GPATCH2: variants seen among roughly 807,000 people sequenced by gnomAD.
GPATCH2 encodes the protein G patch domain-containing protein 2.
GPATCH2 carries 51 observed loss-of-function variants against 58.0 expected under a neutral mutation model. The observed-to-expected ratio is 0.88, with a 90% CI of 0.70 to 1.11. The LOEUF (loss-of-function observed/expected upper bound fraction) is 1.11. Among genes scored for constraint, GPATCH2 ranks in the 50% most tolerant of loss-of-function variants. The pLI is 0.00. For missense variants in GPATCH2, 625 were observed against 652.2 expected, an observed-to-expected ratio of 0.96 and a Z score of 0.45; for synonymous variants, 222 against 218.5, an observed-to-expected ratio of 1.02 and a Z score of -0.14.
Position 217,432,013 on chromosome 1 carries a change from T to C in GPATCH2, c.1367-648A>G, listed in dbSNP as rs558025814. ...ATGTTTAAATGATTATATAAGTTAG[T>C]AGAAAGAAAATAGAGGAAAATAATA... On this transcript the variant is annotated intron_variant, in intron 9 of 9. Transcript: ENST00000366935. Among the ~76,000 whole-genome samples the C allele has an allele frequency of 1.1e-4, 17 of 152,108 alleles. No individual in the cohort carries two copies. In the South Asian group the frequency reaches 3.3e-3, roughly 30 times the overall value.
At chr1:217,583,399 G>C (rs1249361827) in intron 5 of GPATCH2, among the ~76,000 whole-genome samples, 1 of 151,512 alleles carries the variant, frequency 6.6e-6, no homozygotes, top group Admixed American at 6.6e-5. Context: ...GTGAAACCCC[G>C]TCTCTACTAA....
At chr1:217,487,422 CTT>C (rs1357554488) in intron 8 of GPATCH2, among the ~76,000 whole-genome samples, 1 of 144,934 alleles carries the variant, frequency 6.9e-6, no homozygotes, top group Admixed American at 6.8e-5. Context: ...TGGAAGAGTA[CTT>C]CTTTTTTTTT....
chr1:217,495,358 C>T (rs1661956976), intron 7 of GPATCH2, among the ~76,000 whole-genome samples: 1 of 152,272 alleles, frequency 6.6e-6, no homozygotes, highest in African/African-American at 2.4e-5. Flanking sequence ...ACATAAGGCA[C>T]TCAAGCTCAG....
intron 8 of GPATCH2, among the ~76,000 whole-genome samples, chr1:217,451,577 C>T (rs1246680800): frequency 2.0e-5 from 3 of 152,222 alleles, no homozygotes; most frequent in African/African-American, 7.2e-5. Context: ...CACATACCCA[C>T]TTTATATCCA....
intron 8 of GPATCH2, among the ~76,000 whole-genome samples, chr1:217,483,245 T>A (rs545952888): frequency 1.2e-4 from 18 of 152,198 alleles, no homozygotes; most frequent in African/African-American, 1.7e-4. Flanking sequence ...AGTGCAGTGG[T>A]ACAATCTTGG....
chr1:217,567,321 C>T (rs1666299687), intron 5 of GPATCH2, among the ~76,000 whole-genome samples: 1 of 152,218 alleles, frequency 6.6e-6, no homozygotes, highest in Non-Finnish European at 1.5e-5. Context: ...GCTGGGATTA[C>T]AGGCATGAGC....
chr1:217,503,720 G>A (rs1662413956), intron 6 of GPATCH2, among the ~76,000 whole-genome samples: 1 of 152,050 alleles, frequency 6.6e-6, no homozygotes, highest in Non-Finnish European at 1.5e-5. Flanking sequence ...ATTAGTTCTG[G>A]GTGATGGTTA....
intron 5 of GPATCH2, among the ~76,000 whole-genome samples, chr1:217,570,642 C>T (rs1276546234): frequency 1.3e-5 from 2 of 152,102 alleles, no homozygotes; most frequent in African/African-American, 4.8e-5. Context: ...CACCAACAAA[C>T]TAATAACCAA....
At chr1:217,520,889 T>G (rs935661808) in intron 5 of GPATCH2, among the ~76,000 whole-genome samples, 6 of 152,174 alleles carry the variant, frequency 3.9e-5, no homozygotes, top group African/African-American at 1.2e-4. Context: ...CAAGCGTGAG[T>G]ACTCACAACT....
At chr1:217,460,083 A>T (rs1259239754) in intron 8 of GPATCH2, among the ~76,000 whole-genome samples, 1 of 152,226 alleles carries the variant, frequency 6.6e-6, no homozygotes, top group Non-Finnish European at 1.5e-5. Flanking sequence ...TACTACAAAC[A>T]TCCAGGCTCA....
intron 5 of GPATCH2, among the ~76,000 whole-genome samples, chr1:217,593,179 T>A (rs547287559): frequency 1.4e-3 from 214 of 152,090 alleles, no homozygotes; most frequent in Non-Finnish European, 1.4e-3. Flanking sequence ...CAAAATAGAT[T>A]TTCTAATTTA....
At position 217,430,953 on chromosome 1, in the gene GPATCH2, T is replaced by C; in HGVS notation, c.*192A>G. 1 of 592,970 alleles carries C rather than the reference T, an allele frequency of 1.7e-6. No individual in the cohort carries two copies. The highest frequency in any genetic ancestry group is 3.0e-6 in the Non-Finnish European group (1 of 333,204). 36.7% of individuals were successfully genotyped at this position (592,970 alleles called of 1,614,324 possible). On this transcript the variant is annotated 3_prime_UTR_variant, in exon 10 of 10. Coordinates refer to ENST00000366935, the MANE Select transcript of GPATCH2 (RefSeq NM_018040.5). The stretch of plus-strand genomic sequence containing the variant: ...TGAAAAAAATTAAAGTGCAGAGGTT[T>C]TCATTTTAGCACCATGAATTGTGAT...
chr1:217,620,256 G>C lies in GPATCH2; in HGVS notation c.300C>G (p.Ser100Arg), dbSNP rs140319855. 14 of 1,613,518 alleles carry C rather than the reference G, an allele frequency of 8.7e-6. No homozygotes were observed. The African/African-American group carries it at 1.5e-4, about 17-fold the overall frequency. Residue 100 changes from serine to arginine, a missense_variant, in exon 2 of 10, where the codon AGC becomes AGG. Physicochemically the swap from Ser to Arg is moderately radical, Grantham distance 110. Coordinates refer to ENST00000366935, the MANE Select transcript of GPATCH2 (RefSeq NM_018040.5). ...TATTGTGATTCTCTCTATAGTCCTT[G>C]CTTGGTTCTTCTAAACTAGAATCAG... ...EGSDSSLEEPSKDYRENHNNN... is the reference protein window; with the variant it reads ...EGSDSSLEEPRKDYRENHNNN...
chr1:217,538,964 T>C (rs900766124), intron 5 of GPATCH2, among the ~76,000 whole-genome samples: 1 of 152,190 alleles, frequency 6.6e-6, no homozygotes, highest in Non-Finnish European at 1.5e-5. Flanking sequence ...ACCCTCTGCT[T>C]ATCTAAAAGC....
chr1:217,546,347 C>T (rs1401669852), intron 5 of GPATCH2, among the ~76,000 whole-genome samples: 1 of 152,146 alleles, frequency 6.6e-6, no homozygotes, highest in African/African-American at 2.4e-5. Context: ...ATCACACTAC[C>T]CAACTTCAAA....
rs555923107 is a variant in GPATCH2 at position 217,431,043 on chromosome 1, A to T, written c.*102T>A. ...TAAGGAAGCTAGAGTGATGTGTTTG[A>T]GGCAATGTAGATTTTTGCTTCAAAA... On this transcript the variant is annotated 3_prime_UTR_variant, in exon 10 of 10. Coordinates refer to ENST00000366935, the MANE Select transcript of GPATCH2 (RefSeq NM_018040.5). The T allele has an allele frequency of 3.0e-5, 22 of 738,260 alleles. No individual in the cohort carries two copies. Among genetic ancestry groups the T allele is most frequent in the Admixed American group, 2.0e-4 (11 of 54,966 alleles). The allele number at this position is 738,260 out of a possible 1,614,324, so 45.7% of individuals were successfully genotyped here. A position where few individuals can be genotyped will look rare whatever the true frequency, so the allele number is the denominator to read the frequency against.
chr1:217,435,135 G>C (rs1410627925), intron 9 of GPATCH2, among the ~76,000 whole-genome samples: 1 of 152,172 alleles, frequency 6.6e-6, no homozygotes, highest in African/African-American at 2.4e-5. Flanking sequence ...CCTCAGCGCA[G>C]TATACACCAC....
At chr1:217,459,351 A>C (rs1660097556) in intron 8 of GPATCH2, among the ~76,000 whole-genome samples, 2 of 152,194 alleles carry the variant, frequency 1.3e-5, no homozygotes, top group Non-Finnish European at 2.9e-5. Flanking sequence ...TCTTTGGGGA[A>C]ATTGAGGAAA....
chr1:217,519,122 G>A (rs1663324250), intron 5 of GPATCH2, among the ~76,000 whole-genome samples: 1 of 152,172 alleles, frequency 6.6e-6, no homozygotes, highest in South Asian at 2.1e-4. Flanking sequence ...TAAATGTGTT[G>A]AATATTTATC....
Sources: allele counts gnomAD v4.1 joint callset (sites outside exome capture counted in the v4.1 genomes callset), GRCh38; gene constraint gnomAD v4.1.1; transcripts MANE v1.5; gene names NCBI Gene and HGNC (gene_info 2026-07-23, HGNC 2026-07-21).